The following MPHOSPH10 variants were observed in gnomAD, a reference collection of about 807,000 sequenced individuals.
The protein encoded by MPHOSPH10 is M-phase phosphoprotein 10.
In MPHOSPH10, 33 loss-of-function variants were observed where a neutral mutation model predicts 77.3. The ratio of observed to expected loss-of-function variants is 0.43; its 90% CI spans 0.32 to 0.57. The LOEUF (loss-of-function observed/expected upper bound fraction) is 0.57, where lower values mean the gene tolerates loss of function less well. Among genes scored for constraint, MPHOSPH10 ranks in the 20% least tolerant of loss-of-function variants. MPHOSPH10 has a pLI of 0.07. For synonymous variants in MPHOSPH10, 245 were observed against 268.0 expected, an observed-to-expected ratio of 0.91 and a Z score of 0.84; for missense variants, 708 against 780.1, an observed-to-expected ratio of 0.91 and a Z score of 1.10.
At chr2:71,137,352 G>GATAA (rs1673516735) in intron 4 of MPHOSPH10, among the ~76,000 whole-genome samples, 1 of 152,062 alleles carries the variant, frequency 6.6e-6, no homozygotes, top group African/African-American at 2.4e-5. Flanking sequence ...AACTACAAAA[G>GATAA]ATAAAGATAA....
Position 71,134,104 on chromosome 2 carries a change from A to G in MPHOSPH10, c.925A>G (p.Thr309Ala), listed in dbSNP as rs747713675. Residue 309 changes from threonine (T) to alanine (A), a missense_variant and splice_region_variant, in exon 3 of 11, where the codon ACG becomes GCG. Physicochemically the swap from Thr to Ala is moderately conservative, Grantham distance 58 (BLOSUM62 0). This residue lies in a region of MPHOSPH10 where 433 missense variants were observed against 432.6 expected (regional missense o/e 1.00). Coordinates refer to ENST00000244230, the MANE Select transcript of MPHOSPH10 (RefSeq NM_005791.3). ...AGCAGAAGAACTAAGTATTTCGGAA[A>G]CGTGAGTATTTTGAACCATCCTTTA... ...EEAEELSISE[T>A]DEDDDLQENE... 2 of 1,604,476 alleles carry G rather than the reference A, an allele frequency of 1.2e-6. No individual in the cohort carries two copies. The highest frequency in any genetic ancestry group is 2.3e-5 in the South Asian group (2 of 88,784).
Position 71,134,052 on chromosome 2 carries a change from A to G in MPHOSPH10, c.873A>G (p.Lys291=). The G allele has an allele frequency of 1.9e-6, 3 of 1,609,000 alleles. No individual in the cohort carries two copies. Among genetic ancestry groups the G allele is most frequent in the Non-Finnish European group, 2.5e-6 (3 of 1,176,854 alleles). The change falls in exon 3 of 11, where the codon AAA becomes AAG. Residue 291 remains lysine (K), a synonymous_variant. Transcript: ENST00000244230. ...NVHDDELDSN[K]EDDEIAEEEA... Reference sequence around the variant, plus strand: ...ATGATGATGAGCTGGATTCAAACAAAGAAGATGATGAAATTGCTGAAGAAG... The same window carrying G: ...ATGATGATGAGCTGGATTCAAACAAGGAAGATGATGAAATTGCTGAAGAAG...
intron 3 of MPHOSPH10, 99 bp from the exon 4 acceptor site, chr2:71,134,527 G>T: frequency 7.5e-6 from 8 of 1,061,630 alleles, no homozygotes; most frequent in Non-Finnish European, 1.1e-5. Flanking sequence ...GTTGCATTAG[G>T]TATATAAAAT....
intron 4 of MPHOSPH10, among the ~76,000 whole-genome samples, chr2:71,135,869 AT>A (rs201192664): frequency 0.04 from 6,112 of 151,518 alleles, 370 homozygotes; most frequent in African/African-American, 0.13. Flanking sequence ...CGCCCAACTA[AT>A]TTTTTTGTAT....
Position 71,134,070 on chromosome 2 carries a change from TGAA to T in MPHOSPH10, c.899_901del (p.Glu300del). 1 of 1,610,016 alleles carries T rather than the reference TGAA, an allele frequency of 6.2e-7. No homozygotes were observed. Among genetic ancestry groups the T allele is most frequent in the Non-Finnish European group, 8.5e-7 (1 of 1,178,072 alleles). Reference sequence around the variant, plus strand: ...CAAACAAAGAAGATGATGAAATTGCTGAAGAAGAAGCAGAAGAACTAAGTATTT... The same window carrying T: ...CAAACAAAGAAGATGATGAAATTGCTGAAGAAGCAGAAGAACTAAGTATTT... On this transcript the variant is annotated inframe_deletion, in exon 3 of 11. Coordinates refer to ENST00000244230, the MANE Select transcript of MPHOSPH10 (RefSeq NM_005791.3).
rs773882778 is a variant in MPHOSPH10 at position 71,149,954 on chromosome 2, AG to A, written c.1986del (p.Thr664GlnfsTer16). The A allele has an allele frequency of 6.5e-7, 1 of 1,528,434 alleles. No individual in the cohort carries two copies. Among genetic ancestry groups the A allele is most frequent in the Admixed American group, 2.1e-5 (1 of 47,708 alleles). 94.7% of individuals were successfully genotyped at this position (1,528,434 alleles called of 1,614,324 possible). ...DQVKMQINDA[K>X]KTEKKKKKRQ... is the part of the protein sequence containing the mutation. ...GTAAAAATGCAAATCAATGATGCAA[AG>A]AAAACAGAAAAGAAAAAGAAGAAAA... On this transcript the variant is annotated frameshift_variant, in exon 11 of 11. Coordinates refer to ENST00000244230, the MANE Select transcript of MPHOSPH10 (RefSeq NM_005791.3). LOFTEE classifies it high-confidence loss of function.
At chr2:71,140,790 A>G (rs1046439201) in intron 6 of MPHOSPH10, among the ~76,000 whole-genome samples, 10 of 152,210 alleles carry the variant, frequency 6.6e-5, no homozygotes, top group Non-Finnish European at 1.0e-4. Flanking sequence ...TAAAATAGAA[A>G]GGGTTTAAAG....
Position 71,136,387 on chromosome 2 carries a change from T to C in MPHOSPH10, c.1098+1590T>C, listed in dbSNP as rs575087885. On this transcript the variant is annotated intron_variant, in intron 4 of 10. Coordinates refer to ENST00000244230, the MANE Select transcript of MPHOSPH10 (RefSeq NM_005791.3). ...AAAGTTAGCTGGGAATGGTAGTGTG[T>C]GCCTATAGTCTTTGCTACTCGAGAG... Among the ~76,000 whole-genome samples, 103 of 152,158 alleles carry C rather than the reference T, an allele frequency of 6.8e-4. No homozygotes were observed. The South Asian group carries it at 0.021, about 31-fold the overall frequency.
chr2:71,149,401 C>T lies in MPHOSPH10; in HGVS notation c.1844C>T (p.Ala615Val). Reference sequence around the variant, plus strand: ...GCAGGGAAATACAGCAAAACAGTAGCTTCGGAGAAGTTAAAACAGCTGACC... The same window carrying T: ...GCAGGGAAATACAGCAAAACAGTAGTTTCGGAGAAGTTAAAACAGCTGACC... ...DQAGKYSKTV[A>V]SEKLKQLTKT... Residue 615 changes from alanine (A) to valine (V), a missense_variant, in exon 10 of 11, where the codon GCT (alanine) becomes GTT (valine). Physicochemically the swap from Ala to Val is moderately conservative, Grantham distance 64. Transcript: ENST00000244230. 6.2e-7 allele frequency: 1 copy of T among 1,613,360 alleles called. No individual in the cohort carries two copies. The highest frequency in any genetic ancestry group is 1.3e-5 in the African/African-American group (1 of 74,798).
intron 6 of MPHOSPH10, among the ~76,000 whole-genome samples, chr2:71,140,713 T>C (rs1176116235): frequency 5.9e-5 from 9 of 152,252 alleles, no homozygotes; most frequent in African/African-American, 4.8e-5. Flanking sequence ...AAAACTTAGA[T>C]ATATGGCATG....
At chr2:71,141,078 A>G (rs1397748457) in intron 6 of MPHOSPH10, among the ~76,000 whole-genome samples, 154 bp from the exon 7 acceptor site, 1 of 149,676 alleles carries the variant, frequency 6.7e-6, no homozygotes, top group African/African-American at 2.4e-5. Flanking sequence ...AATATTTATT[A>G]TAACAATGAT....
Position 71,134,090 on chromosome 2 carries a change from T to A in MPHOSPH10, c.911T>A (p.Leu304Gln). The part of the protein sequence containing the change: ...DEIAEEEAEE[L>Q]SISETDEDDD... ...ATTGCTGAAGAAGAAGCAGAAGAACTAAGTATTTCGGAAACGTGAGTATTT... is the reference window on the plus strand; with the variant it reads ...ATTGCTGAAGAAGAAGCAGAAGAACAAAGTATTTCGGAAACGTGAGTATTT... The change falls in exon 3 of 11, where the codon CTA becomes CAA. Residue 304 changes from leucine (L) to glutamine (Q), a missense_variant. Transcript: ENST00000244230. 3 of 1,605,230 alleles carry A rather than the reference T, an allele frequency of 1.9e-6. No homozygotes were observed. Among genetic ancestry groups the A allele is most frequent in the South Asian group, 1.1e-5 (1 of 88,790 alleles).
chr2:71,133,857 A>G, intron 2 of MPHOSPH10, 91 bp from the exon 3 acceptor site: 1 of 952,510 alleles, frequency 1.0e-6, no homozygotes, highest in Non-Finnish European at 1.5e-6. Context: ...AGAAAGTAAT[A>G]TATACATACA....
intron 7 of MPHOSPH10, among the ~76,000 whole-genome samples, chr2:71,142,639 AAT>A (rs1420406405): frequency 1.3e-5 from 2 of 152,222 alleles, no homozygotes; most frequent in East Asian, 3.8e-4. Flanking sequence ...CTGTGTAGCC[AAT>A]ATATAGCTAC....
At position 71,141,369 on chromosome 2, in the gene MPHOSPH10, G is replaced by T; in HGVS notation, c.1446G>T (p.Gln482His). Residue 482 changes from glutamine to histidine, a missense_variant and splice_region_variant, in exon 7 of 11, where the codon CAG (glutamine) becomes CAT (histidine). Physicochemically the swap from Gln to His is conservative, Grantham distance 24 (BLOSUM62 0). This residue lies in a region of MPHOSPH10 where 263 missense variants were observed against 320.0 expected (regional missense o/e 0.82). Transcript: ENST00000244230. ...IYEQEYIKLN[Q>H]QKTAEEENPE... Reference sequence around the variant, plus strand: ...AACAGGAGTACATCAAACTCAACCAGGTGAGGAAGCCTGTAAGGCCAAGCC... The same window carrying T: ...AACAGGAGTACATCAAACTCAACCATGTGAGGAAGCCTGTAAGGCCAAGCC... 1 of 1,527,596 alleles carries T rather than the reference G, an allele frequency of 6.5e-7. No individual in the cohort carries two copies. The highest frequency in any genetic ancestry group is 8.8e-7 in the Non-Finnish European group (1 of 1,140,326). 94.6% of individuals were successfully genotyped at this position (1,527,596 alleles called of 1,614,324 possible). A position where few individuals can be genotyped will look rare whatever the true frequency, so the allele number is the denominator to read the frequency against.
At chr2:71,139,661 A>G in intron 5 of MPHOSPH10, 134 bp from the exon 6 acceptor site, 1 of 610,274 alleles carries the variant, frequency 1.6e-6, no homozygotes, top group South Asian at 2.2e-5. Flanking sequence ...TGATTCAGGA[A>G]GTATGGGGGT....
intron 7 of MPHOSPH10, among the ~76,000 whole-genome samples, chr2:71,143,712 C>A (rs1673655478): frequency 6.6e-6 from 1 of 152,170 alleles, no homozygotes; most frequent in African/African-American, 2.4e-5. Context: ...GGAACCATAC[C>A]ATATGTGGCC....
At chr2:71,143,951 G>A (rs1673659283) in intron 7 of MPHOSPH10, among the ~76,000 whole-genome samples, 1 of 152,164 alleles carries the variant, frequency 6.6e-6, no homozygotes. Context: ...TGTACACCTA[G>A]GAGTGGCATT....
chr2:71,135,526 G>A (rs113629007), intron 4 of MPHOSPH10, among the ~76,000 whole-genome samples: 1 of 151,784 alleles, frequency 6.6e-6, no homozygotes, highest in Non-Finnish European at 1.5e-5. Flanking sequence ...CAGCCTGGGC[G>A]ACAGAGTGTG....
Sources: gnomAD v4.1 joint callset for allele counts (sites outside exome capture counted in the v4.1 genomes callset) on GRCh38, gnomAD v4.1.1 for gene constraint, gnomAD v4.1.1 regional missense constraint, MANE v1.5 for transcripts, NCBI Gene and HGNC (gene_info 2026-07-23, HGNC 2026-07-21) for gene names.